The following RIPOR3 variants were observed in gnomAD, a reference collection of about 807,000 sequenced individuals.
RIPOR3 encodes RIPOR family member 3.
In RIPOR3, 95 loss-of-function variants were observed where a neutral mutation model predicts 114.3. The ratio of observed to expected loss-of-function variants is 0.83; its 90% CI spans 0.70 to 0.99. The LOEUF (loss-of-function observed/expected upper bound fraction) is 0.99, where lower values mean the gene tolerates loss of function less well. Ranked by LOEUF, RIPOR3 falls within the 50% of genes least tolerant of loss-of-function variation. RIPOR3 has a pLI of 0.00. For synonymous variants in RIPOR3, 575 were observed against 543.8 expected (o/e 1.06, Z -0.80); for missense variants, 1,252 against 1,266.9 (o/e 0.99, Z 0.18).
intron 1 of RIPOR3, among the ~76,000 whole-genome samples, chr20:50,662,436 G>A (rs1174685817): frequency 6.6e-6 from 1 of 152,232 alleles, no homozygotes; most frequent in Non-Finnish European, 1.5e-5. Context: ...CAGAGCCACT[G>A]GCTGGAGAGT....
intron 2 of RIPOR3, among the ~76,000 whole-genome samples, chr20:50,627,734 G>A (rs947619582): frequency 2.0e-5 from 3 of 152,088 alleles, no homozygotes; most frequent in Admixed American, 6.6e-5. Flanking sequence ...GAACCAAGGA[G>A]GTCAATGCTG....
chr20:50,626,146 G>A (rs536001670), intron 2 of RIPOR3, among the ~76,000 whole-genome samples: 4 of 152,256 alleles, frequency 2.6e-5, no homozygotes, highest in Non-Finnish European at 5.9e-5. Context: ...ACCCAATCAG[G>A]CTCCAGCCCT....
intron 6 of RIPOR3, among the ~76,000 whole-genome samples, chr20:50,610,084 CCCTGCCTCA>C (rs1409136637): frequency 2.9e-5 from 4 of 138,914 alleles, no homozygotes; most frequent in African/African-American, 8.4e-5. Flanking sequence ...CACCTGCCAC[CCCTGCCTCA>C]CCTGCCACCC....
intron 1 of RIPOR3, among the ~76,000 whole-genome samples, chr20:50,650,248 T>A (rs1246018109): frequency 6.6e-6 from 1 of 152,142 alleles, no homozygotes; most frequent in Non-Finnish European, 1.5e-5. Flanking sequence ...CCTCGAGATC[T>A]ATTCACCTCC....
chr20:50,672,515 A>T (rs555568283), intron 1 of RIPOR3, among the ~76,000 whole-genome samples: 1 of 152,220 alleles, frequency 6.6e-6, no homozygotes, highest in African/African-American at 2.4e-5. Context: ...CACCACAGAG[A>T]CAAACCAACC....
chr20:50,648,014 G>A (rs1164859320), intron 1 of RIPOR3, among the ~76,000 whole-genome samples: 1 of 151,920 alleles, frequency 6.6e-6, no homozygotes, highest in Non-Finnish European at 1.5e-5. Context: ...GGTGGCTCAT[G>A]CCTACAATCC....
In RIPOR3 at chr20:50,673,541, G is replaced by A. The variant is rs569992096; in HGVS notation, c.3+17585C>T. 3.3e-5 allele frequency among the ~76,000 whole-genome samples: 5 copies of A among 152,206 alleles called. No homozygotes were observed. In the East Asian group the frequency reaches 5.8e-4, roughly 18 times the overall value. On this transcript the variant is annotated intron_variant, in intron 1 of 21. Transcript: ENST00000327979. ...AAAGCAACTATTTCCTGGCCCCAAAGCCCCAGTCTCTGGAAATGACCCTCC... is the reference window on the plus strand; with the variant it reads ...AAAGCAACTATTTCCTGGCCCCAAAACCCCAGTCTCTGGAAATGACCCTCC...
chr20:50,675,404 CACA>C (rs1006995383), intron 1 of RIPOR3, among the ~76,000 whole-genome samples: 1 of 152,206 alleles, frequency 6.6e-6, no homozygotes, highest in African/African-American at 2.4e-5. Flanking sequence ...CCTAAATCCT[CACA>C]ACAACTGTAA....
At chr20:50,665,160 G>T (rs1022826671) in intron 1 of RIPOR3, among the ~76,000 whole-genome samples, 1 of 151,958 alleles carries the variant, frequency 6.6e-6, no homozygotes, top group Admixed American at 6.6e-5. Context: ...GTGCTGGCCG[G>T]GTGCGGTGGC....
chr20:50,660,370 C>T (rs1486948355), intron 1 of RIPOR3: 3 of 152,192 alleles, frequency 2.0e-5, no homozygotes, highest in Non-Finnish European at 2.9e-5. Context: ...CATCACCACA[C>T]GCAGGAAAAG....
intron 1 of RIPOR3, among the ~76,000 whole-genome samples, chr20:50,687,455 C>G (rs1193681325): frequency 3.3e-5 from 5 of 152,242 alleles, no homozygotes; most frequent in African/African-American, 4.8e-5. Context: ...ACAATCCAGA[C>G]ACAACCATAG....
chr20:50,609,794 CCT>C, intron 6 of RIPOR3, 72 bp from the exon 7 acceptor site: 1 of 1,349,054 alleles, frequency 7.4e-7, no homozygotes, highest in East Asian at 3.0e-5. Context: ...GTCGACTTCT[CCT>C]CTCTGGGAGA....
At chr20:50,688,520 T>G (rs2087102128) in intron 1 of RIPOR3, among the ~76,000 whole-genome samples, 1 of 152,210 alleles carries the variant, frequency 6.6e-6, no homozygotes, top group Non-Finnish European at 1.5e-5. Context: ...TTTTTAACAA[T>G]GGTGTGTTTA....
intron 1 of RIPOR3, among the ~76,000 whole-genome samples, chr20:50,662,627 C>T (rs575785211): frequency 4.6e-5 from 7 of 152,352 alleles, no homozygotes; most frequent in Admixed American, 2.6e-4. Flanking sequence ...CCACCACTGC[C>T]CTTCCATCAC....
In RIPOR3 at chr20:50,602,075, C is replaced by T. The variant is rs894001197; in HGVS notation, c.1656G>A (p.Leu552=). 1 of 1,554,574 alleles carries T rather than the reference C, an allele frequency of 6.4e-7. No individual in the cohort carries two copies. Among genetic ancestry groups the T allele is most frequent in the Non-Finnish European group, 8.7e-7 (1 of 1,151,382 alleles). The change falls in exon 13 of 22, where the codon CTG becomes CTA. Residue 552 remains leucine (L), a synonymous_variant. Transcript: ENST00000327979. This position sits in a 1 kb window ranked among gnomAD's most constrained non-coding sequence, Gnocchi z 4.3. Reference sequence around the variant, plus strand: ...GCCCGGGGCGGGGTGGCCATACCTTCAGCCGGTCCCGGAAGCCGAGGACCT... The same window carrying T: ...GCCCGGGGCGGGGTGGCCATACCTTTAGCCGGTCCCGGAAGCCGAGGACCT... ...EYQVLGFRDR[L]KPCRARQEHT...
intron 2 of RIPOR3, among the ~76,000 whole-genome samples, chr20:50,627,796 C>A (rs2123225766): frequency 6.6e-6 from 1 of 152,318 alleles, no homozygotes; most frequent in Admixed American, 6.5e-5. Flanking sequence ...CAGAATGACA[C>A]CCACAAAAAT....
chr20:50,665,719 G>A (rs556807931), intron 1 of RIPOR3, among the ~76,000 whole-genome samples: 12 of 151,990 alleles, frequency 7.9e-5, no homozygotes, highest in South Asian at 2.1e-4. Flanking sequence ...TGTGCCTGCC[G>A]GGTGGGTTTC....
chr20:50,619,440 CAAAA>C (rs11483233), intron 3 of RIPOR3, among the ~76,000 whole-genome samples: 1 of 96,406 alleles, frequency 1.0e-5, no homozygotes. Flanking sequence ...GACTCCATCT[CAAAA>C]AAAAAAAAAA....
intron 14 of RIPOR3, among the ~76,000 whole-genome samples, chr20:50,596,623 G>A (rs1351250737): frequency 1.3e-5 from 2 of 152,204 alleles, no homozygotes; most frequent in African/African-American, 2.4e-5. Context: ...AGGCCGTGAG[G>A]GGTGCATGAA....
Sources: gnomAD v4.1 joint callset for allele counts (sites outside exome capture counted in the v4.1 genomes callset) on GRCh38, gnomAD v4.1.1 for gene constraint, Gnocchi (gnomAD v3.1) non-coding constraint, MANE v1.5 for transcripts, NCBI Gene and HGNC (gene_info 2026-07-23, HGNC 2026-07-21) for gene names.